The following LMNB2 variants were observed in gnomAD, a reference collection of about 807,000 sequenced individuals.
LMNB2 encodes the protein lamin-B2.
Under a neutral mutation model 69.3 loss-of-function variants are expected in LMNB2, and 17 were observed. That is an observed-to-expected ratio of 0.25 (90% CI 0.17 to 0.37). The LOEUF is 0.37. LMNB2 is among the 10% of genes least tolerant of loss of function. The probability of loss-of-function intolerance (pLI) is 1.00; values close to 1 mark genes in which losing one functional copy is unlikely to be tolerated. For synonymous variants in LMNB2, 397 were observed against 389.3 expected, an observed-to-expected ratio of 1.02 and a Z score of -0.23; for missense variants, 789 against 883.6, an observed-to-expected ratio of 0.89 and a Z score of 1.36.
Position 2,431,420 on chromosome 19 carries a change from C to A in LMNB2, c.1821+128G>T, listed in dbSNP as rs945225058. The A allele has an allele frequency of 3.2e-6, 4 of 1,238,340 alleles. No individual in the cohort carries two copies. In the African/African-American group the frequency reaches 4.4e-5, roughly 14 times the overall value. The allele number at this position is 1,238,340 out of a possible 1,614,324, so 76.7% of individuals were successfully genotyped here. ...CTGGTAACAGCCAAGGCTGGCTTCA[C>A]CCTGAGCCACGGCAGCCAGATGGAG... is the stretch of plus-strand genomic sequence containing the variant. On this transcript the variant is annotated intron_variant, in intron 11 of 11. Transcript: ENST00000325327.
At chr19:2,439,057 T>TTC (rs1971862094) in intron 2 of LMNB2, among the ~76,000 whole-genome samples, 1 of 131,484 alleles carries the variant, frequency 7.6e-6, no homozygotes, top group African/African-American at 2.7e-5. Context: ...TTTTTTTTTT[T>TTC]TTTTTTTTAA....
intron 1 of LMNB2, among the ~76,000 whole-genome samples, chr19:2,455,794 G>A (rs1972080219): frequency 6.6e-6 from 1 of 151,722 alleles, no homozygotes. Flanking sequence ...TGCCCAGGTG[G>A]CACCCCTCAC....
intron 4 of LMNB2, among the ~76,000 whole-genome samples, chr19:2,435,817 CAAA>C (rs56781086): frequency 7.6e-6 from 1 of 132,360 alleles, no homozygotes; most frequent in Non-Finnish European, 1.6e-5. Flanking sequence ...GACTGCGTCT[CAAA>C]AAAAAAAAAA....
In LMNB2 at chr19:2,428,490, G is replaced by A. The variant is rs990133033; in HGVS notation, c.*2421C>T. The stretch of plus-strand genomic sequence containing the variant: ...GCCAAAGCCGCTGGCATGAGGACAG[G>A]TGCATGATCGGATTCTGGGTCAGCC... On this transcript the variant is annotated 3_prime_UTR_variant, in exon 12 of 12. Coordinates refer to ENST00000325327, the MANE Select transcript of LMNB2 (RefSeq NM_032737.4). 6.6e-6 allele frequency: 1 copy of A among 152,318 alleles called. No individual in the cohort carries two copies. The highest frequency in any genetic ancestry group is 2.4e-5 in the African/African-American group (1 of 41,476). 9.4% of individuals were successfully genotyped at this position (152,318 alleles called of 1,614,324 possible).
intron 1 of LMNB2, among the ~76,000 whole-genome samples, chr19:2,454,632 C>T (rs528113036): frequency 1.3e-5 from 2 of 152,296 alleles, no homozygotes; most frequent in Admixed American, 1.3e-4. Context: ...CCACCACGTC[C>T]TCTGATCTCC....
intron 1 of LMNB2, among the ~76,000 whole-genome samples, chr19:2,452,522 T>C (rs1972035041): frequency 6.6e-6 from 1 of 150,698 alleles, no homozygotes; most frequent in Non-Finnish European, 1.5e-5. Context: ...GGTCAAGAGA[T>C]AGAGACCATC....
At position 2,443,675 on chromosome 19, in the gene LMNB2, A is replaced by G. The variant is rs1258754762; in HGVS notation, c.401+729T>C. Among the ~76,000 whole-genome samples, 1 of 152,230 alleles carries G rather than the reference A, an allele frequency of 6.6e-6. No homozygotes were observed. Among genetic ancestry groups the G allele is most frequent in the East Asian group, 1.9e-4 (1 of 5,194 alleles). On this transcript the variant is annotated intron_variant, in intron 2 of 11. Coordinates refer to ENST00000325327, the MANE Select transcript of LMNB2 (RefSeq NM_032737.4). This position sits in a 1 kb window ranked among gnomAD's most constrained non-coding sequence, Gnocchi z 6.2. ...AGACAGTGTCCACACGCAGGGCACC[A>G]GAGACCTCGCTCTAGCTGGAGCCTC...
chr19:2,441,878 G>A (rs1164531914), intron 2 of LMNB2, among the ~76,000 whole-genome samples: 5 of 152,238 alleles, frequency 3.3e-5, no homozygotes, highest in Admixed American at 2.6e-4. Context: ...AGGTGGAAGA[G>A]GCAGGCTGCA....
In LMNB2 at chr19:2,453,464, C is replaced by T. The variant is rs1172125818; in HGVS notation, c.264+3206G>A. 1.3e-5 allele frequency among the ~76,000 whole-genome samples: 2 copies of T among 151,890 alleles called. No homozygotes were observed. Among genetic ancestry groups the T allele is most frequent in the South Asian group, 4.2e-4 (2 of 4,802 alleles). ...GGCCCACATGACGTCCCCCCACCAG[C>T]GGCCCCCACCCCAGCAGGCTTCCAA... On this transcript the variant is annotated intron_variant, in intron 1 of 11. Coordinates refer to ENST00000325327, the MANE Select transcript of LMNB2 (RefSeq NM_032737.4). The surrounding 1 kb of genome is among the most constrained non-coding windows in gnomAD (Gnocchi z 4.4).
rs1971807749 is a variant in LMNB2, at chr19:2,435,182, AGGCTTCGTGACCCTCTGGTCCCGCCTG to A, written c.685-38_685-12del. ...CGTCTCCCGCACCTCCTGCGGACCA[AGGCTTCGTGACCCTCTGGTCCCGCCTG>A]GGCCCCAAGCACCAGGCCCAAGGGA... is the stretch of plus-strand genomic sequence containing the variant. On this transcript the variant is annotated splice_polypyrimidine_tract_variant and intron_variant, in intron 4 of 11. Transcript: ENST00000325327. 1 of 1,599,754 alleles carries A rather than the reference AGGCTTCGTGACCCTCTGGTCCCGCCTG, an allele frequency of 6.3e-7. No homozygotes were observed. The highest frequency in any genetic ancestry group is 8.5e-7 in the Non-Finnish European group (1 of 1,179,352).
At chr19:2,455,645 T>C (rs752198440) in intron 1 of LMNB2, among the ~76,000 whole-genome samples, 15 of 151,896 alleles carry the variant, frequency 9.9e-5, no homozygotes, top group Non-Finnish European at 1.6e-4. Context: ...ACCCCCTCCA[T>C]AGGTGGGGCA....
chr19:2,440,546 A>G (rs1004558378), intron 2 of LMNB2, among the ~76,000 whole-genome samples: 3 of 151,970 alleles, frequency 2.0e-5, no homozygotes, highest in Non-Finnish European at 2.9e-5. Context: ...CCATCTACCC[A>G]TCATCCATCC....
At position 2,438,391 on chromosome 19, in the gene LMNB2, C is replaced by T. The variant is rs781346530; in HGVS notation, c.542G>A (p.Arg181Gln). Residue 181 changes from arginine to glutamine, a missense_variant, in exon 3 of 12, where the codon CGG becomes CAG. This residue lies in a region of LMNB2 where 609 missense variants were observed against 630.9 expected (regional missense o/e 0.97). Coordinates refer to ENST00000325327, the MANE Select transcript of LMNB2 (RefSeq NM_032737.4). The part of the protein sequence containing the change: ...RGLESDVAEL[R>Q]AQLAKAEDGH... ...GGCACCTACCTTGGCCAGCTGGGCCCGCAGCTCAGCCACGTCACTCTCCAG... is the reference window on the plus strand; with the variant it reads ...GGCACCTACCTTGGCCAGCTGGGCCTGCAGCTCAGCCACGTCACTCTCCAG... 4.0e-5 allele frequency: 64 copies of T among 1,612,818 alleles called. No individual in the cohort carries two copies. Among genetic ancestry groups the T allele is most frequent in the East Asian group, 1.6e-4 (7 of 44,890 alleles).
At chr19:2,439,321 G>A (rs62119867) in intron 2 of LMNB2, among the ~76,000 whole-genome samples, 14,171 of 151,962 alleles carry the variant, frequency 0.093, 942 homozygotes, top group East Asian at 0.37. Flanking sequence ...CTGACATCTG[G>A]GGTGGTCTTG....
In LMNB2 at chr19:2,430,504, G is replaced by A. The variant is rs1025586426; in HGVS notation, c.*407C>T. 4 of 307,176 alleles carry A rather than the reference G, an allele frequency of 1.3e-5. No individual in the cohort carries two copies. The highest frequency in any genetic ancestry group is 8.7e-5 in the African/African-American group (4 of 46,130). 19.0% of individuals were successfully genotyped at this position (307,176 alleles called of 1,614,324 possible). ...CCTGGATTCTGAATTTGGTTTTGTA[G>A]AAAGCCTTAAAAAAACCCACCACCA... On this transcript the variant is annotated 3_prime_UTR_variant, in exon 12 of 12. Transcript: ENST00000325327.
intron 4 of LMNB2, among the ~76,000 whole-genome samples, chr19:2,437,709 A>G (rs1316349105): frequency 6.6e-6 from 1 of 151,110 alleles, no homozygotes; most frequent in Admixed American, 6.6e-5. Flanking sequence ...CTGAGGCAGG[A>G]GAATTGCTTG....
intron 3 of LMNB2, 32 bp from the exon 4 acceptor site, chr19:2,438,320 C>A: frequency 6.2e-7 from 1 of 1,613,780 alleles, no homozygotes; most frequent in Non-Finnish European, 8.5e-7. Context: ...GCTGGTGTGA[C>A]AATCTGTCTG....
At chr19:2,448,555 ACT>A (rs1270989121) in intron 1 of LMNB2, among the ~76,000 whole-genome samples, 1 of 152,114 alleles carries the variant, frequency 6.6e-6, no homozygotes, top group East Asian at 1.9e-4. Context: ...GTCCTGTAAG[ACT>A]CTAATGCAAA....
chr19:2,438,587 GA>G, intron 2 of LMNB2, 56 bp from the exon 3 acceptor site: 3 of 1,586,044 alleles, frequency 1.9e-6, no homozygotes, highest in Non-Finnish European at 1.7e-6. Flanking sequence ...GGGCCACAGG[GA>G]GCACCTCAGG....
Sources: gnomAD v4.1 joint callset for allele counts (sites outside exome capture counted in the v4.1 genomes callset) on GRCh38, gnomAD v4.1.1 for gene constraint, gnomAD v4.1.1 regional missense constraint, Gnocchi (gnomAD v3.1) non-coding constraint, MANE v1.5 for transcripts, NCBI Gene and HGNC (gene_info 2026-07-23, HGNC 2026-07-21) for gene names.